Variants in TCERG1L observed in about 807,000 individuals in gnomAD.
TCERG1L encodes the protein transcription elongation regulator 1-like protein.
TCERG1L carries 37 observed loss-of-function variants against 56.3 expected under a neutral mutation model. That is an observed-to-expected ratio of 0.66 (90% CI 0.51 to 0.87). TCERG1L has a LOEUF of 0.87. TCERG1L is among the 40% of genes least tolerant of loss of function. The pLI is 0.00. For missense variants in TCERG1L, 799 were observed against 774.2 expected (o/e 1.03, Z -0.38); for synonymous variants, 324 against 326.3 (o/e 0.99, Z 0.08).
chr10:131,256,992 GGAAAGAAAGAAAGAAAGAAAGAAA>G (rs745516129), intron 4 of TCERG1L, among the ~76,000 whole-genome samples: 46 of 59,204 alleles, frequency 7.8e-4, no homozygotes, highest in East Asian at 1.5e-3. Context: ...AAGGAAGGAA[GGAAAGAAAGAAAGAAAGAAAGAAA>G]GAAAGAAAGA....
intron 9 of TCERG1L, among the ~76,000 whole-genome samples, chr10:131,110,094 G>A (rs574734866): frequency 6.6e-6 from 1 of 152,318 alleles, no homozygotes; most frequent in East Asian, 1.9e-4. Flanking sequence ...GGTTCAGGAA[G>A]GGAAACTGCA....
chr10:131,180,933 G>A (rs1480542765), intron 4 of TCERG1L, among the ~76,000 whole-genome samples: 2 of 152,116 alleles, frequency 1.3e-5, no homozygotes, highest in African/African-American at 4.8e-5. Flanking sequence ...TATTATTAGC[G>A]ACGTCTATCA....
rs1260697431 is a variant in TCERG1L at position 131,172,588 on chromosome 10, G to A, written c.857-5703C>T. Among the ~76,000 whole-genome samples, 7 of 152,250 alleles carry A rather than the reference G, an allele frequency of 4.6e-5. 1 individual carries two copies. Among genetic ancestry groups the A allele is most frequent in the African/African-American group, 1.4e-4 (6 of 41,472 alleles). ...TTCATGAGGAGCATCCATATCACGCGTGCTCCACGCGCGCTGGCTCCGCTC... is the reference window on the plus strand; with the variant it reads ...TTCATGAGGAGCATCCATATCACGCATGCTCCACGCGCGCTGGCTCCGCTC... On this transcript the variant is annotated intron_variant, in intron 4 of 11. Transcript: ENST00000368642.
At chr10:131,097,535 G>A (rs1845262542) in intron 11 of TCERG1L, among the ~76,000 whole-genome samples, 1 of 152,080 alleles carries the variant, frequency 6.6e-6, no homozygotes, top group Admixed American at 6.6e-5. Flanking sequence ...TTTTAGTAGA[G>A]ACAGGGTTTC....
intron 9 of TCERG1L, among the ~76,000 whole-genome samples, chr10:131,112,281 A>C (rs1845419500): frequency 7.1e-6 from 1 of 140,240 alleles, no homozygotes; most frequent in East Asian, 2.4e-4. Flanking sequence ...TCCAGCTCTG[A>C]CTCCCACACT....
intron 8 of TCERG1L, among the ~76,000 whole-genome samples, chr10:131,122,559 C>A (rs10741241): frequency 6.6e-6 from 1 of 152,138 alleles, no homozygotes; most frequent in Non-Finnish European, 1.5e-5. Flanking sequence ...CAAATGCAGA[C>A]GGACAGAGGC....
chr10:131,146,981 T>C (rs1481399507), intron 6 of TCERG1L, among the ~76,000 whole-genome samples: 1 of 152,138 alleles, frequency 6.6e-6, no homozygotes, highest in Non-Finnish European at 1.5e-5. Context: ...ACTGCCTCAG[T>C]GAAATTCCAT....
At chr10:131,174,294 G>A (rs1846123366) in intron 4 of TCERG1L, among the ~76,000 whole-genome samples, 1 of 152,228 alleles carries the variant, frequency 6.6e-6, no homozygotes, top group African/African-American at 2.4e-5. Flanking sequence ...CACAGGACAA[G>A]CCCAGCATCA....
At chr10:131,119,325 C>T (rs1044881140) in intron 8 of TCERG1L, among the ~76,000 whole-genome samples, 1 of 152,180 alleles carries the variant, frequency 6.6e-6, no homozygotes, top group Admixed American at 6.5e-5. Flanking sequence ...AAAGATTGCT[C>T]AGCCCATTAG....
intron 4 of TCERG1L, among the ~76,000 whole-genome samples, chr10:131,188,048 CT>C (rs1009760152): frequency 2.0e-5 from 3 of 152,214 alleles, no homozygotes; most frequent in Non-Finnish European, 4.4e-5. Flanking sequence ...CCCCAGCACA[CT>C]TCCCAAGTGA....
intron 9 of TCERG1L, among the ~76,000 whole-genome samples, chr10:131,107,272 A>G (rs535962476): frequency 5.9e-5 from 9 of 152,344 alleles, no homozygotes; most frequent in Non-Finnish European, 7.3e-5. Flanking sequence ...AGAGAGGATT[A>G]GACCCTATGT....
intron 3 of TCERG1L, among the ~76,000 whole-genome samples, chr10:131,302,220 A>G (rs1846769701): frequency 6.6e-6 from 1 of 152,066 alleles, no homozygotes; most frequent in African/African-American, 2.4e-5. Flanking sequence ...AGCTGTGTCA[A>G]CTTCTGTGTT....
At chr10:131,170,710 A>C (rs916668700) in intron 4 of TCERG1L, among the ~76,000 whole-genome samples, 4 of 152,194 alleles carry the variant, frequency 2.6e-5, no homozygotes, top group Non-Finnish European at 5.9e-5. Context: ...CTGGTGGGGA[A>C]GAAGTGAGAG....
At chr10:131,146,749 C>A in intron 6 of TCERG1L, 89 bp from the exon 7 acceptor site, 1 of 1,415,944 alleles carries the variant, frequency 7.1e-7, no homozygotes, top group Non-Finnish European at 9.5e-7. Flanking sequence ...AAAAGCCCCT[C>A]AGGACCGAAA....
intron 4 of TCERG1L, among the ~76,000 whole-genome samples, chr10:131,208,452 G>A (rs575151239): frequency 2.6e-4 from 40 of 152,298 alleles, no homozygotes; most frequent in South Asian, 6.2e-4. Context: ...ACCAGCTGCC[G>A]AGAACGCCCG....
intron 4 of TCERG1L, among the ~76,000 whole-genome samples, chr10:131,181,699 C>T (rs1215615323): frequency 1.3e-5 from 2 of 152,206 alleles, no homozygotes; most frequent in Non-Finnish European, 2.9e-5. Flanking sequence ...GCCAGGTGGG[C>T]CAGGAGCAGG....
At chr10:131,197,220 C>G (rs1204280248) in intron 4 of TCERG1L, among the ~76,000 whole-genome samples, 1 of 150,482 alleles carries the variant, frequency 6.6e-6, no homozygotes, top group East Asian at 2.0e-4. Flanking sequence ...CTCTGTTGCA[C>G]TGCCAGGCTG....
At chr10:131,271,198 T>C (rs1317147494) in intron 3 of TCERG1L, among the ~76,000 whole-genome samples, 2 of 152,078 alleles carry the variant, frequency 1.3e-5, no homozygotes, top group Non-Finnish European at 2.9e-5. Context: ...CAGCTGGATT[T>C]GGCTTTTCCC....
At chr10:131,285,460 AAAGGG>A (rs1430095632) in intron 3 of TCERG1L, among the ~76,000 whole-genome samples, 2,796 of 145,050 alleles carry the variant, frequency 0.019, 82 homozygotes, top group African/African-American at 0.043. Flanking sequence ...AAAGAGAGAG[AAAGGG>A]AAGAAAGAAA....
Sources: allele counts gnomAD v4.1 joint callset (sites outside exome capture counted in the v4.1 genomes callset), GRCh38; gene constraint gnomAD v4.1.1; transcripts MANE v1.5; gene names NCBI Gene and HGNC (gene_info 2026-07-23, HGNC 2026-07-21).